The following SLIT2 variants were observed in gnomAD, a reference collection of about 807,000 sequenced individuals.
The protein encoded by SLIT2 is slit homolog 2 protein.
Under a neutral mutation model 185.7 loss-of-function variants are expected in SLIT2, and 41 were observed. That is an observed-to-expected ratio of 0.22 (90% confidence interval 0.17 to 0.29). The LOEUF (loss-of-function observed/expected upper bound fraction) is 0.29. Ranked by LOEUF, SLIT2 falls within the 10% of genes least tolerant of loss-of-function variation. The probability of loss-of-function intolerance (pLI) is 1.00; values close to 1 mark genes in which losing one functional copy is unlikely to be tolerated. For missense variants in SLIT2, 1,571 were observed against 1,909.0 expected, an observed-to-expected ratio of 0.82 and a Z score of 3.30; for synonymous variants, 693 against 680.2, an observed-to-expected ratio of 1.02 and a Z score of -0.29.
chr4:20,604,576 T>C (rs1210286351), intron 33 of SLIT2, among the ~76,000 whole-genome samples: 1 of 152,164 alleles, frequency 6.6e-6, no homozygotes, highest in Non-Finnish European at 1.5e-5. Flanking sequence ...CTCCATTTCC[T>C]GACCTTGTGA....
At chr4:20,265,012 T>C (rs1217864579) in intron 3 of SLIT2, among the ~76,000 whole-genome samples, 1 of 151,990 alleles carries the variant, frequency 6.6e-6, no homozygotes, top group East Asian at 1.9e-4. Flanking sequence ...TTAACAAAGC[T>C]AATTTATGTT....
At chr4:20,572,752 T>TACA (rs1439390668) in intron 29 of SLIT2, among the ~76,000 whole-genome samples, 1 of 152,210 alleles carries the variant, frequency 6.6e-6, no homozygotes, top group Non-Finnish European at 1.5e-5. Context: ...CAGGACCACA[T>TACA]ACAAGTATGA....
chr4:20,315,075 G>C (rs963165132), intron 4 of SLIT2, among the ~76,000 whole-genome samples: 2 of 151,850 alleles, frequency 1.3e-5, no homozygotes, highest in Admixed American at 6.6e-5. Context: ...TGCATTTTTA[G>C]TCATCTATCT....
intron 4 of SLIT2, among the ~76,000 whole-genome samples, chr4:20,351,795 A>C (rs1271127123): frequency 6.6e-6 from 1 of 152,178 alleles, no homozygotes; most frequent in Non-Finnish European, 1.5e-5. Flanking sequence ...GGGGTGCTGA[A>C]AAAGTCTCCT....
chr4:20,513,010 A>G (rs1477961285), intron 11 of SLIT2, among the ~76,000 whole-genome samples: 1 of 152,228 alleles, frequency 6.6e-6, no homozygotes, highest in Non-Finnish European at 1.5e-5. Context: ...CCTGTAATTA[A>G]TGATTATAAA....
At chr4:20,549,894 T>C (rs1577907415) in intron 24 of SLIT2, among the ~76,000 whole-genome samples, 1 of 152,148 alleles carries the variant, frequency 6.6e-6, no homozygotes, top group African/African-American at 2.4e-5. Flanking sequence ...AATTTCAAAT[T>C]TTAATGAGTA....
intron 14 of SLIT2, among the ~76,000 whole-genome samples, chr4:20,524,780 G>T (rs555744776): frequency 6.6e-6 from 1 of 152,306 alleles, no homozygotes; most frequent in Non-Finnish European, 1.5e-5. Context: ...TGAATGCATT[G>T]TATTGATATT....
chr4:20,409,209 C>G (rs774863607), intron 4 of SLIT2, among the ~76,000 whole-genome samples: 1 of 152,154 alleles, frequency 6.6e-6, no homozygotes, highest in Admixed American at 6.6e-5. Flanking sequence ...CTTCCTGATG[C>G]TCTCCTTCCT....
chr4:20,618,741 A>G (rs200360536), intron 36 of SLIT2, 27 bp from the exon 37 acceptor site: 369 of 1,559,970 alleles, frequency 2.4e-4, no homozygotes, highest in Non-Finnish European at 3.1e-4. Context: ...TGTTCTTAAA[A>G]TGCTTGTGCT....
At chr4:20,368,697 T>C (rs1723332972) in intron 4 of SLIT2, among the ~76,000 whole-genome samples, 1 of 152,142 alleles carries the variant, frequency 6.6e-6, no homozygotes, top group Non-Finnish European at 1.5e-5. Flanking sequence ...AAGTAAAGAA[T>C]GCTCATGATA....
At chr4:20,591,518 A>G (rs558839814) in intron 30 of SLIT2, among the ~76,000 whole-genome samples, 1 of 152,262 alleles carries the variant, frequency 6.6e-6, no homozygotes, top group South Asian at 2.1e-4. Context: ...GAAAAAGGAA[A>G]GAATAAATTT....
rs115788998 is a variant in SLIT2, at chr4:20,261,304, T to C, written c.323+3365T>C. On this transcript the variant is annotated intron_variant, in intron 3 of 36. Coordinates refer to ENST00000504154, the MANE Select transcript of SLIT2 (RefSeq NM_004787.4). The stretch of plus-strand genomic sequence containing the variant: ...TTCAATGGAAATTCGGATAAAAAAG[T>C]CACAAATAAGCTGCAGTAAGAATCA... Among the ~76,000 whole-genome samples, 998 of 151,970 alleles carry C rather than the reference T, an allele frequency of 6.6e-3. 16 individuals carry two copies. Among genetic ancestry groups the C allele is most frequent in the African/African-American group, 0.023 (953 of 41,512 alleles).
chr4:20,289,110 A>G (rs1362845652), intron 4 of SLIT2, among the ~76,000 whole-genome samples: 1 of 152,202 alleles, frequency 6.6e-6, no homozygotes, highest in East Asian at 1.9e-4. Flanking sequence ...GTGCTGATGC[A>G]TGTGGGGAAG....
At chr4:20,323,177 C>G (rs774346057) in intron 4 of SLIT2, among the ~76,000 whole-genome samples, 23 of 146,214 alleles carry the variant, frequency 1.6e-4, no homozygotes, top group Non-Finnish European at 2.6e-4. Context: ...ATTTCAGTTC[C>G]TTTTGTAAAT....
Position 20,548,556 on chromosome 4 carries a change from C to A in SLIT2, c.2414C>A (p.Thr805Asn). ...TTCAGCAACATGACCCAGCTCCTCACCTTGTGAGTGTGAAAGTGTGGTACT... is the reference window on the plus strand; with the variant it reads ...TTCAGCAACATGACCCAGCTCCTCAACTTGTGAGTGTGAAAGTGTGGTACT... ...QSFSNMTQLL[T>N]LILSYNRLRC... Residue 805 changes from threonine to asparagine, a missense_variant, in exon 23 of 37, where the codon ACC (threonine) becomes AAC (asparagine). Physicochemically the swap from Thr to Asn is moderately conservative, Grantham distance 65. This residue lies in a region of SLIT2 where 1,202 missense variants were observed against 1,416.4 expected (regional missense o/e 0.85). Coordinates refer to ENST00000504154, the MANE Select transcript of SLIT2 (RefSeq NM_004787.4). The A allele has an allele frequency of 6.3e-7, 1 of 1,592,386 alleles. No homozygotes were observed. The highest frequency in any genetic ancestry group is 8.6e-7 in the Non-Finnish European group (1 of 1,160,490).
intron 4 of SLIT2, among the ~76,000 whole-genome samples, chr4:20,409,026 C>G (rs1726996723): frequency 6.6e-6 from 1 of 151,512 alleles, no homozygotes; most frequent in Non-Finnish European, 1.5e-5. Context: ...TAAAGCCCAT[C>G]AGAGACTGCA....
chr4:20,299,788 C>T (rs560680450), intron 4 of SLIT2, among the ~76,000 whole-genome samples: 10 of 151,910 alleles, frequency 6.6e-5, no homozygotes, highest in East Asian at 1.9e-4. Flanking sequence ...CCATTTGTCA[C>T]GGCCAAAATA....
chr4:20,525,315 G>C, intron 15 of SLIT2, 143 bp downstream of exon 15: 1 of 586,710 alleles, frequency 1.7e-6, no homozygotes, highest in Non-Finnish European at 3.1e-6. Flanking sequence ...ATCACTTGTA[G>C]CTGTTTCCTG....
chr4:20,398,771 C>T (rs989971600), intron 4 of SLIT2, among the ~76,000 whole-genome samples: 2 of 151,658 alleles, frequency 1.3e-5, no homozygotes, highest in African/African-American at 4.8e-5. Context: ...TGTCATTTAT[C>T]AATTATAATT....
Sources: gnomAD v4.1 joint callset for allele counts (sites outside exome capture counted in the v4.1 genomes callset) on GRCh38, gnomAD v4.1.1 for gene constraint, gnomAD v4.1.1 regional missense constraint, MANE v1.5 for transcripts, NCBI Gene and HGNC (gene_info 2026-07-23, HGNC 2026-07-21) for gene names.